Variants in RAI14 observed in about 807,000 individuals in gnomAD.
RAI14 encodes the protein retinoic acid induced 14.
A neutral mutation model predicts 115.4 loss-of-function variants in RAI14; 45 were observed. The observed-to-expected ratio is 0.39, with a 90% CI of 0.31 to 0.50. RAI14 has a LOEUF of 0.50. Among genes scored for constraint, RAI14 ranks in the 20% least tolerant of loss-of-function variants. The probability of loss-of-function intolerance (pLI) is 0.85; values close to 1 mark genes in which losing one functional copy is unlikely to be tolerated. For missense variants in RAI14, 939 were observed against 1,131.2 expected, an observed-to-expected ratio of 0.83 and a Z score of 2.44; for synonymous variants, 371 against 415.4, an observed-to-expected ratio of 0.89 and a Z score of 1.30.
At chr5:34,708,836 T>C (rs1026350197) in intron 2 of RAI14, among the ~76,000 whole-genome samples, 2 of 152,138 alleles carry the variant, frequency 1.3e-5, no homozygotes, top group African/African-American at 4.8e-5. Flanking sequence ...AGTTAAAACA[T>C]TGCCAATCTA....
chr5:34,665,467 G>C (rs1300530992), intron 1 of RAI14, among the ~76,000 whole-genome samples: 1 of 149,772 alleles, frequency 6.7e-6, no homozygotes, highest in Non-Finnish European at 1.5e-5. Flanking sequence ...GGGCAGCACA[G>C]AGTAAAGTGT....
intron 2 of RAI14, among the ~76,000 whole-genome samples, chr5:34,738,956 G>A (rs963150631): frequency 6.6e-6 from 1 of 152,178 alleles, no homozygotes; most frequent in Admixed American, 6.5e-5. Context: ...GATAAGTATG[G>A]TGGCAGCTGA....
intron 3 of RAI14, among the ~76,000 whole-genome samples, chr5:34,760,063 C>T (rs568776982): frequency 6.4e-4 from 97 of 151,662 alleles, no homozygotes; most frequent in African/African-American, 2.3e-3. Flanking sequence ...AGTGCAGTAG[C>T]GTGATCTCGG....
At chr5:34,699,095 G>A (rs1739714936) in intron 2 of RAI14, among the ~76,000 whole-genome samples, 1 of 152,200 alleles carries the variant, frequency 6.6e-6, no homozygotes, top group Non-Finnish European at 1.5e-5. Context: ...AGACACACTA[G>A]AAAACATGAA....
Position 34,672,852 on chromosome 5 carries a change from A to C in RAI14, c.-48-14020A>C, listed in dbSNP as rs150780678. Reference sequence around the variant, plus strand: ...CCCCTTCTCACCCCATACCCCAGGGAAACTTCCCCACCGTCTGTCCTTCTC... The same window carrying C: ...CCCCTTCTCACCCCATACCCCAGGGCAACTTCCCCACCGTCTGTCCTTCTC... On this transcript the variant is annotated intron_variant, in intron 1 of 17. Coordinates refer to ENST00000265109, the MANE Select transcript of RAI14 (RefSeq NM_015577.3). 3.8e-3 allele frequency among the ~76,000 whole-genome samples: 581 copies of C among 151,282 alleles called. 3 individuals are homozygous for C. Among genetic ancestry groups the C allele is most frequent in the African/African-American group, 0.013 (546 of 41,166 alleles).
At chr5:34,718,355 C>G (rs989400204) in intron 2 of RAI14, among the ~76,000 whole-genome samples, 1 of 152,184 alleles carries the variant, frequency 6.6e-6, no homozygotes, top group African/African-American at 2.4e-5. Flanking sequence ...ACATGAGAAA[C>G]CTGTTCTAAC....
intron 2 of RAI14, among the ~76,000 whole-genome samples, chr5:34,723,099 C>CAAA (rs34763264): frequency 0.04 from 3,389 of 85,528 alleles, 84 homozygotes; most frequent in Middle Eastern, 0.071. Flanking sequence ...GACCCTGTCT[C>CAAA]AAAAAAAAAA....
intron 13 of RAI14, among the ~76,000 whole-genome samples, chr5:34,821,168 CAATT>C (rs1250078068): frequency 1.3e-5 from 2 of 152,114 alleles, no homozygotes; most frequent in Non-Finnish European, 2.9e-5. Flanking sequence ...GGAGGGAAAA[CAATT>C]AAAGCACTTG....
chr5:34,826,555 CA>C, intron 16 of RAI14, 76 bp downstream of exon 16: 1 of 1,518,104 alleles, frequency 6.6e-7, no homozygotes, highest in East Asian at 2.3e-5. Flanking sequence ...GCTGCTAGGG[CA>C]AGTGGGCGTG....
chr5:34,795,970 G>A lies in RAI14; in HGVS notation c.199G>A (p.Glu67Lys), dbSNP rs1302839759. The A allele has an allele frequency of 6.2e-7, 1 of 1,613,268 alleles. No homozygotes were observed. The highest frequency in any genetic ancestry group is 1.7e-5 in the Admixed American group (1 of 60,000). The change falls in exon 4 of 18, where the codon GAA (glutamate) becomes AAA (lysine). Residue 67 changes from glutamate to lysine, a missense_variant. Physicochemically the swap from Glu to Lys is moderately conservative, Grantham distance 56. Transcript: ENST00000265109. ...TCTTGCTGCTGCAAAAGGACACGTG[G>A]AATGCCTCAGGGTCATGATTACACA... ...FHLAAAKGHV[E>K]CLRVMITHGV...
At chr5:34,826,129 G>T (rs1185097905) in intron 15 of RAI14, 1 of 405,876 alleles carries the variant, frequency 2.5e-6, no homozygotes, top group East Asian at 4.0e-5. Context: ...AATGGATGTA[G>T]CGGGCTTTGT....
At chr5:34,811,968 T>C in intron 9 of RAI14, 23 bp downstream of exon 9, 1 of 1,583,042 alleles carries the variant, frequency 6.3e-7, no homozygotes, top group Non-Finnish European at 8.6e-7. Context: ...AAATAGCCAA[T>C]GTTGTTTTAA....
chr5:34,697,053 C>T lies in RAI14; in HGVS notation c.36+10098C>T, dbSNP rs1739337037. On this transcript the variant is annotated intron_variant, in intron 2 of 17. Coordinates refer to ENST00000265109, the MANE Select transcript of RAI14 (RefSeq NM_015577.3). ...GGCTGAGGCAGGAGAATCACTTGAA[C>T]CTGTGAGGCAGAGGTTGCAGTGAGC... Among the ~76,000 whole-genome samples, 6 of 152,238 alleles carry T rather than the reference C, an allele frequency of 3.9e-5. No homozygotes were observed. The South Asian group carries it at 1.2e-3, about 32-fold the overall frequency.
intron 2 of RAI14, among the ~76,000 whole-genome samples, chr5:34,696,382 C>T (rs1299431024): frequency 1.1e-4 from 16 of 152,178 alleles, no homozygotes; most frequent in Admixed American, 2.6e-4. Context: ...ATGATCCACC[C>T]GCCTCAGCCT....
intron 1 of RAI14, among the ~76,000 whole-genome samples, chr5:34,672,263 A>G (rs1743670026): frequency 6.6e-6 from 1 of 152,224 alleles, no homozygotes; most frequent in East Asian, 1.9e-4. Flanking sequence ...TGCATATGAC[A>G]TGAGTAAGAA....
At position 34,745,770 on chromosome 5, in the gene RAI14, A is replaced by G. The variant is rs368210373; in HGVS notation, c.37-11698A>G. ...CCTTTGGAGCTGTTCAAAGACCCTT[A>G]TATTTATTTTAAGCAGGTTTCCTTA... On this transcript the variant is annotated intron_variant, in intron 2 of 17. Transcript: ENST00000265109. Among the ~76,000 whole-genome samples the G allele has an allele frequency of 3.6e-4, 55 of 152,232 alleles. No homozygotes were observed. In the East Asian group the frequency reaches 8.3e-3, roughly 23 times the overall value.
intron 2 of RAI14, among the ~76,000 whole-genome samples, chr5:34,732,438 GAT>G (rs1744311704): frequency 8.6e-6 from 1 of 116,406 alleles, no homozygotes; most frequent in Non-Finnish European, 1.7e-5. Context: ...TACCATGCTT[GAT>G]TTTTTTTTTT....
chr5:34,721,668 C>T (rs1742771471), intron 2 of RAI14, among the ~76,000 whole-genome samples: 1 of 152,048 alleles, frequency 6.6e-6, no homozygotes, highest in Non-Finnish European at 1.5e-5. Flanking sequence ...TTCTTATTTT[C>T]TCTGCCAACT....
intron 3 of RAI14, among the ~76,000 whole-genome samples, chr5:34,772,446 C>T (rs1036290386): frequency 5.9e-5 from 9 of 152,164 alleles, no homozygotes; most frequent in Non-Finnish European, 1.0e-4. Flanking sequence ...CAGTTTTCCT[C>T]GTCTGTTAAA....
Sources: gnomAD v4.1 joint callset for allele counts (sites outside exome capture counted in the v4.1 genomes callset) on GRCh38, gnomAD v4.1.1 for gene constraint, MANE v1.5 for transcripts, NCBI Gene and HGNC (gene_info 2026-07-23, HGNC 2026-07-21) for gene names.